The following FAM107B variants were observed in gnomAD, a reference collection of about 807,000 sequenced individuals.
FAM107B encodes family with sequence similarity 107 member B.
In FAM107B, 21 loss-of-function variants were observed where a neutral mutation model predicts 31.5. That is an observed-to-expected ratio of 0.67 (90% CI 0.47 to 0.96). The LOEUF (loss-of-function observed/expected upper bound fraction) is 0.96. Among genes scored for constraint, FAM107B ranks in the 40% least tolerant of loss-of-function variants. The probability of loss-of-function intolerance (pLI) is 0.00; values close to 1 mark genes in which losing one functional copy is unlikely to be tolerated. For synonymous variants in FAM107B, 157 were observed against 141.5 expected (o/e 1.11, Z -0.78); for missense variants, 452 against 377.1 (o/e 1.20, Z -1.64).
At chr10:14,679,437 A>AC (rs1491055494) in intron 1 of FAM107B, among the ~76,000 whole-genome samples, 1 of 136,624 alleles carries the variant, frequency 7.3e-6, no homozygotes, top group East Asian at 2.1e-4. Flanking sequence ...GGCAAAAAAA[A>AC]GTTGAGGTTA....
In FAM107B at chr10:14,597,282, T is replaced by C. The variant is rs114916046; in HGVS notation, c.470-66767A>G. 6.0e-3 allele frequency among the ~76,000 whole-genome samples: 916 copies of C among 152,338 alleles called. 9 individuals carry two copies. The highest frequency in any genetic ancestry group is 0.021 in the African/African-American group (887 of 41,568). On this transcript the variant is annotated intron_variant, in intron 2 of 4. Coordinates refer to ENST00000181796, the MANE Select transcript of FAM107B (RefSeq NM_031453.4). ...TGATTATTTATACTGCAAGATTTCA[T>C]AAGACTGTACAATTTTTGTAAACTC...
intron 1 of FAM107B, among the ~76,000 whole-genome samples, chr10:14,762,754 T>TCACACACACACACA (rs35574582): frequency 1.7e-5 from 2 of 116,170 alleles, no homozygotes; most frequent in Non-Finnish European, 1.7e-5. Context: ...AAACTCTGTC[T>TCACACACACACACA]CACACACACA....
chr10:14,717,813 C>T (rs911820364), intron 1 of FAM107B, among the ~76,000 whole-genome samples: 3 of 152,092 alleles, frequency 2.0e-5, no homozygotes, highest in Non-Finnish European at 4.4e-5. Flanking sequence ...CCAATCAAGT[C>T]GACACCTAAT....
intron 1 of FAM107B, among the ~76,000 whole-genome samples, chr10:14,715,883 A>G (rs1855768356): frequency 6.6e-6 from 1 of 152,146 alleles, no homozygotes; most frequent in Non-Finnish European, 1.5e-5. Flanking sequence ...TGACCAAATT[A>G]CACCATCTTC....
intron 2 of FAM107B, among the ~76,000 whole-genome samples, chr10:14,663,127 G>A (rs1043936867): frequency 6.6e-6 from 1 of 152,192 alleles, no homozygotes; most frequent in African/African-American, 2.4e-5. Flanking sequence ...GGTTTGCCAG[G>A]GGCTCCCAGG....
chr10:14,614,262 T>C (rs1238353081), intron 2 of FAM107B, among the ~76,000 whole-genome samples: 2 of 151,760 alleles, frequency 1.3e-5, no homozygotes, highest in African/African-American at 2.4e-5. Context: ...AAGCCATCAG[T>C]GTGTGTGTGA....
intron 2 of FAM107B, among the ~76,000 whole-genome samples, chr10:14,594,637 C>G (rs1852127340): frequency 6.6e-6 from 1 of 152,130 alleles, no homozygotes; most frequent in Non-Finnish European, 1.5e-5. Context: ...AGTAAAGACA[C>G]AGCTCCATGA....
At chr10:14,630,278 TAAAA>T (rs10525721) in intron 2 of FAM107B, among the ~76,000 whole-genome samples, 7 of 134,574 alleles carry the variant, frequency 5.2e-5, no homozygotes, top group Non-Finnish European at 4.7e-5. Flanking sequence ...CTACTGATGC[TAAAA>T]AAAAAAAAAA....
At chr10:14,658,289 T>C (rs1214604054) in intron 2 of FAM107B, among the ~76,000 whole-genome samples, 6 of 152,132 alleles carry the variant, frequency 3.9e-5, no homozygotes, top group Non-Finnish European at 5.9e-5. Context: ...CCAGGAGCAT[T>C]TCCCCTAAGA....
At chr10:14,703,038 C>A (rs1348916600) in intron 1 of FAM107B, among the ~76,000 whole-genome samples, 1 of 143,882 alleles carries the variant, frequency 7.0e-6, no homozygotes, top group African/African-American at 2.4e-5. Context: ...TTCCCCCACC[C>A]ATTCATTCTC....
chr10:14,724,164 A>G (rs1855977034), intron 1 of FAM107B: 1 of 471,880 alleles, frequency 2.1e-6, no homozygotes, highest in Admixed American at 3.4e-5. Context: ...TGTGTCTTCT[A>G]CGTGTCTTAT....
rs144436665 is a variant in FAM107B, at chr10:14,771,934, G to A, written c.411+2319C>T. Among the ~76,000 whole-genome samples, 129 of 152,300 alleles carry A rather than the reference G, an allele frequency of 8.5e-4. 1 individual carries two copies. The highest frequency in any genetic ancestry group is 3.4e-3 in the Middle Eastern group (1 of 294). ...AGTAGAAGCACATTATAATTCAGAGGATGGACTTTGGAGTCAAACAGAAGT... is the reference window on the plus strand; with the variant it reads ...AGTAGAAGCACATTATAATTCAGAGAATGGACTTTGGAGTCAAACAGAAGT... On this transcript the variant is annotated intron_variant, in intron 1 of 4. Transcript: ENST00000181796.
At chr10:14,745,096 G>A (rs1294279438) in intron 1 of FAM107B, among the ~76,000 whole-genome samples, 2 of 152,136 alleles carry the variant, frequency 1.3e-5, no homozygotes, top group Non-Finnish European at 2.9e-5. Context: ...TTCGCATAGA[G>A]GTGTTTATAG....
chr10:14,618,223 C>T (rs1852902833), intron 2 of FAM107B, among the ~76,000 whole-genome samples: 1 of 152,118 alleles, frequency 6.6e-6, no homozygotes, highest in Non-Finnish European at 1.5e-5. Flanking sequence ...TCTCTATGTT[C>T]TTGGGTGTAT....
chr10:14,694,996 T>C (rs2131514600), intron 1 of FAM107B, among the ~76,000 whole-genome samples: 1 of 152,322 alleles, frequency 6.6e-6, no homozygotes, highest in Non-Finnish European at 1.5e-5. Flanking sequence ...AGAAGCTTTT[T>C]AGTTTGATAT....
chr10:14,629,172 C>T (rs756752321), intron 2 of FAM107B, among the ~76,000 whole-genome samples: 3 of 132,312 alleles, frequency 2.3e-5, no homozygotes, highest in East Asian at 2.3e-4. Flanking sequence ...ATATTAACCA[C>T]GGACATAAAA....
intron 2 of FAM107B, among the ~76,000 whole-genome samples, chr10:14,610,414 G>A (rs1198144638): frequency 6.6e-6 from 1 of 152,144 alleles, no homozygotes; most frequent in African/African-American, 2.4e-5. Context: ...AAATATAACA[G>A]AAGTCCCTTT....
intron 3 of FAM107B, chr10:14,529,691 T>C (rs1285983937): frequency 6.6e-6 from 1 of 152,188 alleles, no homozygotes; most frequent in Non-Finnish European, 1.5e-5. Context: ...TCTCCTGTCC[T>C]GCCCAAATTA....
At chr10:14,713,255 A>G (rs1855703335) in intron 1 of FAM107B, among the ~76,000 whole-genome samples, 2 of 152,240 alleles carry the variant, frequency 1.3e-5, no homozygotes, top group South Asian at 2.1e-4. Context: ...CATAAATGCC[A>G]GTAAAGCTTT....
Sources: gnomAD v4.1 joint callset for allele counts (sites outside exome capture counted in the v4.1 genomes callset) on GRCh38, gnomAD v4.1.1 for gene constraint, MANE v1.5 for transcripts, NCBI Gene and HGNC (gene_info 2026-07-23, HGNC 2026-07-21) for gene names.